Variants in POLQ observed in about 807,000 individuals in gnomAD.
The protein encoded by POLQ is epididymis secretory sperm binding protein.
Under a neutral mutation model 259.2 loss-of-function variants are expected in POLQ, and 233 were observed. The ratio of observed to expected loss-of-function variants is 0.90; its 90% CI spans 0.81 to 1.00. The LOEUF is 1.00. POLQ is among the 50% of genes least tolerant of loss of function. The pLI is 0.00. For missense variants in POLQ, 2,871 were observed against 3,051.6 expected, an observed-to-expected ratio of 0.94 and a Z score of 1.39; for synonymous variants, 1,025 against 1,048.8, an observed-to-expected ratio of 0.98 and a Z score of 0.44.
chr3:121,432,474 C>A, intron 29 of POLQ, 57 bp from the exon 30 acceptor site: 1 of 1,562,942 alleles, frequency 6.4e-7, no homozygotes, highest in East Asian at 2.3e-5. Context: ...GTTTCCCAAA[C>A]CATCCCCTGA....
At position 121,537,100 on chromosome 3, in the gene POLQ, C is replaced by T; in HGVS notation, c.740G>A (p.Cys247Tyr). ...GAACTCAGTTATTTCACGTACTTAC[C>T]AAGATGCTGATTTCCGAGTAATATA... ...ICYITRKSAS[C>Y]QADLASSLSN... Residue 247 changes from cysteine (C) to tyrosine (Y), a missense_variant and splice_region_variant, in exon 5 of 30, where the codon TGT becomes TAT. Transcript: ENST00000264233. The T allele has an allele frequency of 6.9e-7, 1 of 1,459,292 alleles. No individual in the cohort carries two copies. The highest frequency in any genetic ancestry group is 9.6e-7 in the Non-Finnish European group (1 of 1,039,710). The allele number at this position is 1,459,292 out of a possible 1,614,324, so 90.4% of individuals were successfully genotyped here.
chr3:121,532,429 A>C (rs1231671905), intron 6 of POLQ, among the ~76,000 whole-genome samples: 1 of 152,152 alleles, frequency 6.6e-6, no homozygotes, highest in East Asian at 1.9e-4. Flanking sequence ...TTAAATGTTT[A>C]TATTATATAT....
At chr3:121,496,320 C>T (rs922317344) in intron 14 of POLQ, among the ~76,000 whole-genome samples, 18 of 151,814 alleles carry the variant, frequency 1.2e-4, no homozygotes, top group Admixed American at 6.6e-5. Flanking sequence ...GGATTATAAG[C>T]GCCCACCGCC....
intron 22 of POLQ, among the ~76,000 whole-genome samples, chr3:121,471,157 G>C (rs2047880591): frequency 6.6e-6 from 1 of 152,076 alleles, no homozygotes; most frequent in South Asian, 2.1e-4. Flanking sequence ...GTACTGCCTA[G>C]AGAAAGAATA....
chr3:121,494,513 CT>C (rs1463717962), intron 14 of POLQ: 15 of 1,560,978 alleles, frequency 9.6e-6, no homozygotes, highest in Non-Finnish European at 1.1e-5. Context: ...ACCACCTGTC[CT>C]TCGAACAGGA....
At chr3:121,438,487 A>G (rs1417363979) in intron 27 of POLQ, among the ~76,000 whole-genome samples, 1 of 152,206 alleles carries the variant, frequency 6.6e-6, no homozygotes, top group Non-Finnish European at 1.5e-5. Flanking sequence ...GAAGCCTTTT[A>G]GTCTCCTAGG....
At chr3:121,481,358 T>G (rs754730188) in intron 19 of POLQ, among the ~76,000 whole-genome samples, 5 of 152,236 alleles carry the variant, frequency 3.3e-5, no homozygotes, top group Non-Finnish European at 5.9e-5. Context: ...ACAGCTGCTC[T>G]TTTGCTACAA....
intron 12 of POLQ, among the ~76,000 whole-genome samples, chr3:121,509,001 G>A (rs1205169583): frequency 6.6e-6 from 1 of 152,134 alleles, no homozygotes; most frequent in Non-Finnish European, 1.5e-5. Flanking sequence ...ATTTATTATA[G>A]AGATTTTTAT....
intron 24 of POLQ, among the ~76,000 whole-genome samples, chr3:121,462,903 A>C (rs2047803677): frequency 6.6e-6 from 1 of 152,256 alleles, no homozygotes; most frequent in South Asian, 2.1e-4. Flanking sequence ...AGAAAACCTT[A>C]TATTCTATTA....
chr3:121,478,078 G>A (rs1170555077), intron 19 of POLQ, among the ~76,000 whole-genome samples: 1 of 152,150 alleles, frequency 6.6e-6, no homozygotes, highest in African/African-American at 2.4e-5. Context: ...GAAGGAGCAA[G>A]GTCGTTATGG....
intron 12 of POLQ, among the ~76,000 whole-genome samples, chr3:121,504,556 A>G (rs2048195006): frequency 6.6e-6 from 1 of 152,206 alleles, no homozygotes; most frequent in African/African-American, 2.4e-5. Flanking sequence ...AGTTAGTATT[A>G]CTCCAAAACC....
chr3:121,479,376 G>C (rs1017037010), intron 19 of POLQ, among the ~76,000 whole-genome samples: 2 of 151,500 alleles, frequency 1.3e-5, no homozygotes, highest in Non-Finnish European at 2.9e-5. Context: ...GTGTGTGTGT[G>C]TGTGTGTGTG....
In POLQ at chr3:121,489,300, T is replaced by C; in HGVS notation, c.3631A>G (p.Lys1211Glu). ...GGCATTTGTCTCTCTATTATATTTT[T>C]CTGTTTGGTAATAGTGCTTGTCTGT... ...HEQTSTITKQ[K>E]NIIERQMPCE... The change falls in exon 16 of 30, where the codon AAA becomes GAA. Residue 1211 changes from lysine to glutamate, a missense_variant. Around this residue, in one of 3 missense-constraint regions of POLQ, gnomAD observed 2,080 missense variants for 2,126.0 expected, o/e 0.98. Transcript: ENST00000264233. 1.9e-6 allele frequency: 3 copies of C among 1,613,868 alleles called. No homozygotes were observed. Among genetic ancestry groups the C allele is most frequent in the Non-Finnish European group, 2.5e-6 (3 of 1,179,890 alleles).
chr3:121,487,248 C>T, intron 16 of POLQ, 54 bp downstream of exon 16: 2 of 919,176 alleles, frequency 2.2e-6, no homozygotes, highest in African/African-American at 3.4e-5. Flanking sequence ...ACTCTTATCT[C>T]AGTCTACTAA....
At chr3:121,497,993 C>T (rs544454666) in intron 13 of POLQ, among the ~76,000 whole-genome samples, 1 of 151,990 alleles carries the variant, frequency 6.6e-6, no homozygotes, top group Admixed American at 6.6e-5. Flanking sequence ...CAGAAAGAAA[C>T]TAAAATACCA....
At chr3:121,506,593 G>A (rs970014247) in intron 12 of POLQ, among the ~76,000 whole-genome samples, 1 of 152,190 alleles carries the variant, frequency 6.6e-6, no homozygotes, top group Admixed American at 6.5e-5. Flanking sequence ...CTCTACTTGT[G>A]AAGCTGTGAA....
chr3:121,501,814 T>C (rs1399450582), intron 12 of POLQ, among the ~76,000 whole-genome samples: 1 of 150,920 alleles, frequency 6.6e-6, no homozygotes, highest in East Asian at 1.9e-4. Flanking sequence ...GGCGAAACCC[T>C]GTCTCTACTA....
In POLQ at chr3:121,544,755, G is replaced by A. The variant is rs773895564; in HGVS notation, c.315C>T (p.Val105=). 7.4e-6 allele frequency: 12 copies of A among 1,612,196 alleles called. No individual in the cohort carries two copies. Among genetic ancestry groups the A allele is most frequent in the Non-Finnish European group, 1.0e-5 (12 of 1,178,558 alleles). The change falls in exon 2 of 30, where the codon GTC becomes GTT. Residue 105 remains valine, a synonymous_variant. Coordinates refer to ENST00000264233, the MANE Select transcript of POLQ (RefSeq NM_199420.4). ...WQAECLLLGQ[V]LEGKNLVYSA... ...AATAAACTAAATTCTTTCCTTCCAG[G>A]ACTTGTCCAAGCAAAAGGCACTCTG...
rs1395338022 is a variant in POLQ at position 121,439,258 on chromosome 3, T to TAA, written c.7389+733_7389+734insTT. ...TTTTTTTTTTTAATTAAACATAGGG[T>TAA]CTCATTCTGCCACCTAGGCTGGAAT... On this transcript the variant is annotated intron_variant, in intron 27 of 29. Coordinates refer to ENST00000264233, the MANE Select transcript of POLQ (RefSeq NM_199420.4). Among the ~76,000 whole-genome samples the TAA allele has an allele frequency of 1.4e-3, 213 of 150,546 alleles. 1 individual carries two copies. Among genetic ancestry groups the TAA allele is most frequent in the Middle Eastern group, 0.014 (4 of 294 alleles).
Sources: allele counts gnomAD v4.1 joint callset (sites outside exome capture counted in the v4.1 genomes callset), GRCh38; gene constraint gnomAD v4.1.1; regional missense constraint gnomAD v4.1.1; transcripts MANE v1.5; gene names NCBI Gene and HGNC (gene_info 2026-07-23, HGNC 2026-07-21).